Variants in ENTPD1 observed in about 807,000 individuals in gnomAD.
The protein encoded by ENTPD1 is ATP diphosphohydrolase.
Under a neutral mutation model 57.0 loss-of-function variants are expected in ENTPD1, and 33 were observed. That is an observed-to-expected ratio of 0.58 (90% CI 0.44 to 0.77). The LOEUF (loss-of-function observed/expected upper bound fraction) is 0.77, where lower values mean the gene tolerates loss of function less well. Ranked by LOEUF, ENTPD1 falls within the 30% of genes least tolerant of loss-of-function variation. ENTPD1 has a pLI of 0.00. For missense variants in ENTPD1, 501 were observed against 603.4 expected, an observed-to-expected ratio of 0.83 and a Z score of 1.78; for synonymous variants, 202 against 218.8, an observed-to-expected ratio of 0.92 and a Z score of 0.68.
intron 1 of ENTPD1, among the ~76,000 whole-genome samples, chr10:95,778,954 AT>A (rs1394038539): frequency 1.3e-5 from 2 of 152,086 alleles, no homozygotes; most frequent in Admixed American, 1.3e-4. Context: ...TTCTCTTACC[AT>A]GGGCAGCTGA....
chr10:95,728,508 A>G (rs1479827099), intron 1 of ENTPD1, among the ~76,000 whole-genome samples: 1 of 152,164 alleles, frequency 6.6e-6, no homozygotes, highest in Non-Finnish European at 1.5e-5. Flanking sequence ...TTGTAATGGC[A>G]TGACTTTTCT....
intron 1 of ENTPD1, among the ~76,000 whole-genome samples, chr10:95,815,636 C>T (rs374671561): frequency 6.6e-6 from 1 of 152,118 alleles, no homozygotes; most frequent in Non-Finnish European, 1.5e-5. Context: ...CCAGAATGCC[C>T]GTGTTTAATT....
chr10:95,758,942 G>C (rs1418709), intron 1 of ENTPD1, among the ~76,000 whole-genome samples: 76,295 of 151,984 alleles, frequency 0.5, 19,649 homozygotes, highest in Admixed American at 0.6. Context: ...GGGTCAGCTT[G>C]GCAGCCACAT....
chr10:95,738,075 A>G (rs866107896), intron 1 of ENTPD1, among the ~76,000 whole-genome samples: 9 of 152,240 alleles, frequency 5.9e-5, no homozygotes, highest in Middle Eastern at 3.2e-3. Flanking sequence ...GAAGGAGACC[A>G]GGAGAGGATC....
rs1353169680 is a variant in ENTPD1 at position 95,876,423 on chromosome 10, G to A, written c.*10040G>A. ...AAATCATAATGTTCCCTTTCTCCTC[G>A]GTTCTGCAATCTATAGGCATACCAT... On this transcript the variant is annotated 3_prime_UTR_variant, in exon 10 of 10. Coordinates refer to ENST00000371205, the MANE Select transcript of ENTPD1 (RefSeq NM_001776.6). The A allele has an allele frequency of 1.9e-5, 23 of 1,231,062 alleles. No individual in the cohort carries two copies. Among genetic ancestry groups the A allele is most frequent in the Admixed American group, 1.3e-4 (3 of 23,686 alleles). The allele number at this position is 1,231,062 out of a possible 1,614,324, so 76.3% of individuals were successfully genotyped here.
At chr10:95,814,023 A>G (rs1335411364) in intron 1 of ENTPD1, among the ~76,000 whole-genome samples, 3 of 152,146 alleles carry the variant, frequency 2.0e-5, no homozygotes, top group African/African-American at 7.2e-5. Flanking sequence ...CCAGGGCACA[A>G]TTTTTCAATT....
In ENTPD1 at chr10:95,870,772, A is replaced by C. The variant is rs956094073; in HGVS notation, c.*4389A>C. The C allele has an allele frequency of 2.0e-6, 2 of 985,342 alleles. No individual in the cohort carries two copies. Among genetic ancestry groups the C allele is most frequent in the African/African-American group, 3.5e-5 (2 of 57,250 alleles). 61.0% of individuals were successfully genotyped at this position (985,342 alleles called of 1,614,324 possible). A position where few individuals can be genotyped will look rare whatever the true frequency, so the allele number is the denominator to read the frequency against. On this transcript the variant is annotated 3_prime_UTR_variant, in exon 10 of 10. Transcript: ENST00000371205. ...AACTGTTAGAACATGACAGCTGCTC[A>C]TAACTAGCTTTGCTTACTAACCATG...
At chr10:95,710,226 G>A (rs143274727), upstream of ENTPD1, among the ~76,000 whole-genome samples, 2,791 of 151,250 alleles carry the variant, frequency 0.018, 88 homozygotes, top group African/African-American at 0.064. Context: ...CCAATATGGT[G>A]AAACCCTGTC....
chr10:95,862,052 T>A (rs1444430071), intron 8 of ENTPD1, among the ~76,000 whole-genome samples: 1 of 152,036 alleles, frequency 6.6e-6, no homozygotes, highest in Non-Finnish European at 1.5e-5. Context: ...CCACATCTCA[T>A]GTTTTACTTC....
At chr10:95,784,379 T>C (rs999950605) in intron 1 of ENTPD1, among the ~76,000 whole-genome samples, 2 of 152,154 alleles carry the variant, frequency 1.3e-5, no homozygotes, top group African/African-American at 4.8e-5. Context: ...TTCAGCACTG[T>C]CTCTCACCAG....
intron 7 of ENTPD1, among the ~76,000 whole-genome samples, chr10:95,859,461 T>C (rs1273718444): frequency 6.6e-6 from 1 of 152,232 alleles, no homozygotes; most frequent in Non-Finnish European, 1.5e-5. Context: ...GGGAAAACTT[T>C]ATGCCCCCCT....
chr10:95,761,275 T>G (rs2098060873), intron 1 of ENTPD1, among the ~76,000 whole-genome samples: 1 of 152,204 alleles, frequency 6.6e-6, no homozygotes, highest in South Asian at 2.1e-4. Flanking sequence ...GGTGTGTGTG[T>G]GCATATGTTC....
intron 1 of ENTPD1, among the ~76,000 whole-genome samples, chr10:95,772,610 C>T (rs1324975934): frequency 6.6e-6 from 1 of 152,320 alleles, no homozygotes; most frequent in South Asian, 2.1e-4. Flanking sequence ...GTTTCCATCA[C>T]TTCTGTAGTC....
intron 1 of ENTPD1, among the ~76,000 whole-genome samples, chr10:95,811,367 C>T (rs1294353464): frequency 2.0e-5 from 3 of 152,186 alleles, no homozygotes; most frequent in African/African-American, 4.8e-5. Flanking sequence ...CGCACAACTT[C>T]CTATGTACCC....
At chr10:95,794,776 T>A (rs1002689814) in intron 1 of ENTPD1, among the ~76,000 whole-genome samples, 1 of 151,872 alleles carries the variant, frequency 6.6e-6, no homozygotes, top group Admixed American at 6.6e-5. Flanking sequence ...GAAGGGTAAA[T>A]AGGAAATAGC....
At chr10:95,743,058 A>G (rs1362051859) in intron 1 of ENTPD1, among the ~76,000 whole-genome samples, 3 of 152,144 alleles carry the variant, frequency 2.0e-5, no homozygotes, top group Admixed American at 1.3e-4. Flanking sequence ...TTTTTACCCA[A>G]TGTTCTTTTC....
Position 95,750,310 on chromosome 10 carries a change from A to G in ENTPD1, c.37+38317A>G, listed in dbSNP as rs55678524. Among the ~76,000 whole-genome samples, 1,117 of 152,264 alleles carry G rather than the reference A, an allele frequency of 7.3e-3. 4 individuals are homozygous for G. Among genetic ancestry groups the G allele is most frequent in the Middle Eastern group, 0.017 (5 of 294 alleles). On this transcript the variant is annotated intron_variant, in intron 1 of 9. Transcript: ENST00000453258. ...ATTTCATGTTGAAATGTGATCCCCA[A>G]TGTTGGAGGTGGGACCTGGTGGGAG...
chr10:95,837,607 G>C (rs2098413057), intron 2 of ENTPD1, among the ~76,000 whole-genome samples: 1 of 152,196 alleles, frequency 6.6e-6, no homozygotes, highest in African/African-American at 2.4e-5. Context: ...TAACTAGGAA[G>C]AGAACACTGT....
At chr10:95,756,414 T>G (rs1373124857) in intron 1 of ENTPD1, 159 bp downstream of exon 1, 1 of 854,002 alleles carries the variant, frequency 1.2e-6, no homozygotes, top group African/African-American at 1.7e-5. Flanking sequence ...GAGAAAGAGC[T>G]TTGGGAAACT....
Sources: gnomAD v4.1 joint callset for allele counts (sites outside exome capture counted in the v4.1 genomes callset) on GRCh38, gnomAD v4.1.1 for gene constraint, MANE v1.5 for transcripts, NCBI Gene and HGNC (gene_info 2026-07-23, HGNC 2026-07-21) for gene names.